ATP8B4: variants seen among roughly 807,000 people sequenced by gnomAD.
The protein encoded by ATP8B4 is probable phospholipid-transporting ATPase IM.
Under a neutral mutation model 145.6 loss-of-function variants are expected in ATP8B4, and 133 were observed. The ratio of observed to expected loss-of-function variants is 0.91; its 90% CI spans 0.79 to 1.05. The LOEUF is 1.05. ATP8B4 is among the 50% of genes least tolerant of loss of function. The pLI is 0.00. For synonymous variants in ATP8B4, 507 were observed against 492.9 expected, an observed-to-expected ratio of 1.03 and a Z score of -0.38; for missense variants, 1,458 against 1,425.2, an observed-to-expected ratio of 1.02 and a Z score of -0.37.
chr15:49,941,743 T>G (rs992279411), intron 14 of ATP8B4, among the ~76,000 whole-genome samples: 4 of 152,156 alleles, frequency 2.6e-5, no homozygotes, highest in Admixed American at 6.6e-5. Context: ...TGCACACATA[T>G]TTTTATCAAA....
At chr15:49,915,380 T>G (rs1599109053) in intron 20 of ATP8B4, among the ~76,000 whole-genome samples, 1 of 152,226 alleles carries the variant, frequency 6.6e-6, no homozygotes, top group East Asian at 1.9e-4. Flanking sequence ...AAGGAATAAA[T>G]TATAAAGTTC....
chr15:50,172,269 A>G (rs1472208778), intron 1 of ATP8B4, among the ~76,000 whole-genome samples: 3 of 152,132 alleles, frequency 2.0e-5, no homozygotes, highest in African/African-American at 7.2e-5. Flanking sequence ...CAGCCTGCCG[A>G]GTGCCTGGGA....
In ATP8B4 at chr15:50,038,796, G is replaced by C. The variant is rs747930131; in HGVS notation, c.334C>G (p.Arg112Gly). 2 of 1,613,382 alleles carry C rather than the reference G, an allele frequency of 1.2e-6. No homozygotes were observed. Among genetic ancestry groups the C allele is most frequent in the Non-Finnish European group, 1.7e-6 (2 of 1,179,586 alleles). ...CTGTTGATGAGCACTTCAGACTGCCGATTATTCACTTGATTATCACTCTTG... is the reference window on the plus strand; with the variant it reads ...CTGTTGATGAGCACTTCAGACTGCCCATTATTCACTTGATTATCACTCTTG... ...RHKSDNQVNN[R>G]QSEVLINSKL... is the part of the protein sequence containing the mutation. The change falls in exon 6 of 28, where the codon CGG becomes GGG. Residue 112 changes from arginine to glycine, a missense_variant. Coordinates refer to ENST00000284509, the MANE Select transcript of ATP8B4 (RefSeq NM_024837.4).
chr15:50,036,562 T>C lies in ATP8B4; in HGVS notation c.362+2206A>G, dbSNP rs370653609. Among the ~76,000 whole-genome samples the C allele has an allele frequency of 5.9e-5, 9 of 152,340 alleles. No individual in the cohort carries two copies. In the East Asian group the frequency reaches 9.6e-4, roughly 16 times the overall value. On this transcript the variant is annotated intron_variant, in intron 6 of 27. Coordinates refer to ENST00000284509, the MANE Select transcript of ATP8B4 (RefSeq NM_024837.4). ...CCAAAAAGTGAAAAGCCAGTCTCCA[T>C]AGCCTGAGCACATTCTACAGAAACC...
chr15:50,003,312 G>GTGTGTGTGTGTGT (rs59851126), intron 7 of ATP8B4, among the ~76,000 whole-genome samples: 1 of 149,184 alleles, frequency 6.7e-6, no homozygotes, highest in African/African-American at 2.5e-5. Flanking sequence ...GTGTGTGTGT[G>GTGTGTGTGTGTGT]GTTTTGTCTA....
intron 13 of ATP8B4, among the ~76,000 whole-genome samples, chr15:49,971,943 TA>T (rs1375060369): frequency 6.6e-6 from 1 of 152,042 alleles, no homozygotes; most frequent in Non-Finnish European, 1.5e-5. Flanking sequence ...ATTGCAGCCA[TA>T]AAAAAGGATG....
In ATP8B4 at chr15:50,033,940, C is replaced by T. The variant is rs189422399; in HGVS notation, c.362+4828G>A. Among the ~76,000 whole-genome samples the T allele has an allele frequency of 9.1e-4, 138 of 152,274 alleles. 1 individual carries two copies. Among genetic ancestry groups the T allele is most frequent in the Middle Eastern group, 6.8e-3 (2 of 294 alleles). On this transcript the variant is annotated intron_variant, in intron 6 of 27. Transcript: ENST00000284509. The stretch of plus-strand genomic sequence containing the variant: ...AGTATTCCATGGTGTATATATACCA[C>T]ATTTTCTTCATCCAGTCCATTATTG...
intron 3 of ATP8B4, among the ~76,000 whole-genome samples, chr15:50,061,395 C>T (rs2053008923): frequency 6.6e-6 from 1 of 152,130 alleles, no homozygotes; most frequent in South Asian, 2.1e-4. Flanking sequence ...AAAAAATGTA[C>T]ATCCCAAAGT....
In ATP8B4 at chr15:49,940,813, C is replaced by A. The variant is rs546710030; in HGVS notation, c.1288-6631G>T. ...ATTGCACTCTAAAAGTATCTGAAAT[C>A]AAAAAAGGAGGAATTTTCAGGCAGA... On this transcript the variant is annotated intron_variant, in intron 14 of 27. Transcript: ENST00000284509. Among the ~76,000 whole-genome samples the A allele has an allele frequency of 1.5e-3, 222 of 152,056 alleles. 1 individual carries two copies. The highest frequency in any genetic ancestry group is 7.1e-3 in the South Asian group (34 of 4,820).
intron 1 of ATP8B4, among the ~76,000 whole-genome samples, chr15:50,173,021 CCCAT>C (rs2044707288): frequency 6.7e-6 from 1 of 148,542 alleles, no homozygotes. Flanking sequence ...GGGGGCAGCC[CCCAT>C]CCGGGAGGTG....
intron 20 of ATP8B4, among the ~76,000 whole-genome samples, chr15:49,902,794 G>C (rs760922546): frequency 1.3e-5 from 2 of 152,136 alleles, no homozygotes; most frequent in African/African-American, 2.4e-5. Flanking sequence ...CAAGTTCCTT[G>C]GAAATGAACA....
rs554743021 is a variant in ATP8B4 at position 50,007,367 on chromosome 15, G to C, written c.435+3478C>G. ...GTCAATGAGGATGACTGTTCCAATG[G>C]AGTAAGGAACAGCAAATGGTAGTGG... On this transcript the variant is annotated intron_variant, in intron 7 of 27. Transcript: ENST00000284509. Among the ~76,000 whole-genome samples the C allele has an allele frequency of 2.2e-4, 33 of 152,292 alleles. 2 individuals carry two copies. In the South Asian group the frequency reaches 5.4e-3, roughly 25 times the overall value.
In ATP8B4 at chr15:49,860,044, G is replaced by A; in HGVS notation, c.*150C>T. On this transcript the variant is annotated 3_prime_UTR_variant, in exon 28 of 28. Transcript: ENST00000284509. ...TCCATAGCGCACACTCCTGTTTGAT[G>A]GGCACTGGCAGTTGTCTGCCGCAGA... 1.1e-6 allele frequency: 1 copy of A among 917,070 alleles called. No individual in the cohort carries two copies. Among genetic ancestry groups the A allele is most frequent in the Non-Finnish European group, 1.6e-6 (1 of 613,544 alleles). The allele number at this position is 917,070 out of a possible 1,614,324, so 56.8% of individuals were successfully genotyped here.
chr15:49,999,983 G>T (rs2047756759), intron 8 of ATP8B4, among the ~76,000 whole-genome samples: 1 of 152,084 alleles, frequency 6.6e-6, no homozygotes, highest in Admixed American at 6.6e-5. Context: ...TTTTTTGTCA[G>T]TATAATTCTC....
chr15:49,873,905 T>C (rs769679083), intron 25 of ATP8B4, among the ~76,000 whole-genome samples: 9 of 152,320 alleles, frequency 5.9e-5, no homozygotes, highest in East Asian at 1.9e-4. Context: ...CTCAGACTGG[T>C]TGGAAACTTT....
chr15:50,127,650 C>T (rs1487621672), intron 1 of ATP8B4, among the ~76,000 whole-genome samples: 1 of 152,200 alleles, frequency 6.6e-6, no homozygotes, highest in Non-Finnish European at 1.5e-5. Flanking sequence ...GATAAATAAA[C>T]TGCTGCAGCT....
chr15:49,998,721 T>G (rs1352815996), intron 8 of ATP8B4, among the ~76,000 whole-genome samples: 1 of 152,256 alleles, frequency 6.6e-6, no homozygotes, highest in African/African-American at 2.4e-5. Context: ...TTTCTTTTGC[T>G]GTGCAGAAGC....
At chr15:50,025,464 A>G (rs1697925341) in intron 6 of ATP8B4, among the ~76,000 whole-genome samples, 1 of 152,096 alleles carries the variant, frequency 6.6e-6, no homozygotes, top group Non-Finnish European at 1.5e-5. Context: ...TCCCCTCCAC[A>G]GGACCTTTGC....
At chr15:49,997,599 A>T (rs902306797) in intron 8 of ATP8B4, among the ~76,000 whole-genome samples, 1 of 152,096 alleles carries the variant, frequency 6.6e-6, no homozygotes, top group African/African-American at 2.4e-5. Flanking sequence ...GAGGATGACA[A>T]TCCTCTTGGG....
Sources: allele counts gnomAD v4.1 joint callset (sites outside exome capture counted in the v4.1 genomes callset), GRCh38; gene constraint gnomAD v4.1.1; transcripts MANE v1.5; gene names NCBI Gene and HGNC (gene_info 2026-07-23, HGNC 2026-07-21).